Variants in CAST observed in about 807,000 individuals in gnomAD.
CAST encodes MIR583 host.
Under a neutral mutation model 119.6 loss-of-function variants are expected in CAST, and 76 were observed. That is an observed-to-expected ratio of 0.64 (90% CI 0.53 to 0.77). The LOEUF (loss-of-function observed/expected upper bound fraction) is 0.77, where lower values mean the gene tolerates loss of function less well. CAST is among the 30% of genes least tolerant of loss of function. CAST has a pLI of 0.00. For synonymous variants in CAST, 319 were observed against 331.6 expected (o/e 0.96, Z 0.41); for missense variants, 953 against 946.5 (o/e 1.01, Z -0.09).
chr5:96,658,402 T>G (rs1409551833), upstream of CAST, among the ~76,000 whole-genome samples: 2 of 152,154 alleles, frequency 1.3e-5, no homozygotes, highest in Non-Finnish European at 2.9e-5. Context: ...CAGCGTGAAT[T>G]CTGGCTGCCA....
the CAST span, among the ~76,000 whole-genome samples, chr5:96,217,215 T>TTTTTTTTTTTTC: frequency 2.0e-5 from 3 of 146,436 alleles, no homozygotes; most frequent in African/African-American, 7.7e-5. Flanking sequence ...TTTTTTTTTT[T>TTTTTTTTTTTTC]TTTTTTATAG....
chr5:96,021,793 A>G, the CAST span, among the ~76,000 whole-genome samples: 1 of 152,170 alleles, frequency 6.6e-6, no homozygotes, highest in East Asian at 1.9e-4. Flanking sequence ...TGAAGTTTGT[A>G]CAAAATTTTC....
At chr5:96,722,346 C>T (rs1056428785) in intron 3 of CAST, among the ~76,000 whole-genome samples, 2 of 152,134 alleles carry the variant, frequency 1.3e-5, no homozygotes, top group Non-Finnish European at 2.9e-5. Flanking sequence ...AATAAACTTA[C>T]AAGGTAGTTG....
intron 1 of CAST, among the ~76,000 whole-genome samples, chr5:96,625,083 T>C (rs1747693022): frequency 6.6e-6 from 1 of 152,208 alleles, no homozygotes; most frequent in African/African-American, 2.4e-5. Context: ...CACTTTTGGC[T>C]CTTTGAACTC....
At chr5:96,173,107 G>C in the CAST span, among the ~76,000 whole-genome samples, 7 of 152,218 alleles carry the variant, frequency 4.6e-5, no homozygotes, top group African/African-American at 1.7e-4. Context: ...GACTGGCTGG[G>C]AAGGTGAATT....
At chr5:96,747,901 T>G (rs769548796) in intron 18 of CAST, among the ~76,000 whole-genome samples, 20 of 152,174 alleles carry the variant, frequency 1.3e-4, no homozygotes, top group Non-Finnish European at 2.4e-4. Context: ...ACAGAGGGCC[T>G]ATGTAAATAG....
chr5:96,375,842 A>T, the CAST span, among the ~76,000 whole-genome samples: 149 of 150,694 alleles, frequency 9.9e-4, no homozygotes, highest in African/African-American at 3.5e-3. Flanking sequence ...TTGAGTTTTA[A>T]ACTTGCCAGC....
the CAST span, chr5:96,391,697 G>C: frequency 6.6e-6 from 1 of 152,148 alleles, no homozygotes; most frequent in African/African-American, 2.4e-5. Context: ...GGTGCCATGG[G>C]GACTGAGAGT....
chr5:96,096,307 A>C, the CAST span, among the ~76,000 whole-genome samples: 2 of 152,194 alleles, frequency 1.3e-5, no homozygotes, highest in Non-Finnish European at 2.9e-5. Context: ...CATTAAATGA[A>C]ATAATGCTTG....
At chr5:96,201,922 TTGAGA>T in the CAST span, among the ~76,000 whole-genome samples, 46 of 151,900 alleles carry the variant, frequency 3.0e-4, no homozygotes, top group East Asian at 3.9e-3. Context: ...TGGCTATCTT[TTGAGA>T]TATTTGTTTA....
the CAST span, among the ~76,000 whole-genome samples, chr5:96,180,293 G>A: frequency 6.6e-6 from 1 of 152,160 alleles, no homozygotes; most frequent in African/African-American, 2.4e-5. Flanking sequence ...TTATTTATGG[G>A]AAATTATAGG....
intron 1 of CAST, among the ~76,000 whole-genome samples, chr5:96,591,694 C>T (rs1270333703): frequency 9.2e-5 from 14 of 152,170 alleles, no homozygotes. Context: ...TTAAATTCTT[C>T]CTTGGCATAA....
the CAST span, among the ~76,000 whole-genome samples, chr5:96,464,351 C>A: frequency 1.3e-5 from 2 of 152,108 alleles, no homozygotes; most frequent in East Asian, 3.9e-4. Flanking sequence ...TATTTACTGT[C>A]TGTGACATAT....
chr5:96,655,258 C>T (rs1748143776), intron 1 of CAST, among the ~76,000 whole-genome samples: 2 of 152,136 alleles, frequency 1.3e-5, no homozygotes, highest in East Asian at 3.9e-4. Flanking sequence ...AGATGTCTCT[C>T]GGAAGAACAG....
chr5:96,368,885 T>A, the CAST span, among the ~76,000 whole-genome samples: 2 of 152,116 alleles, frequency 1.3e-5, no homozygotes, highest in Admixed American at 1.3e-4. Flanking sequence ...TGGAAAGAAT[T>A]TCTCTTAGTA....
At chr5:96,225,142 A>T in the CAST span, among the ~76,000 whole-genome samples, 1 of 152,210 alleles carries the variant, frequency 6.6e-6, no homozygotes, top group Non-Finnish European at 1.5e-5. Context: ...AATAACACCA[A>T]TGTAGAGGCA....
chr5:96,736,744 T>C (rs193066373), intron 10 of CAST, among the ~76,000 whole-genome samples: 106 of 152,308 alleles, frequency 7.0e-4, no homozygotes, highest in Middle Eastern at 3.4e-3. Flanking sequence ...CTTTCCTAGA[T>C]TGTTGTTTTC....
chr5:96,127,024 C>T, the CAST span, among the ~76,000 whole-genome samples: 20 of 152,114 alleles, frequency 1.3e-4, no homozygotes, highest in South Asian at 4.0e-3. Context: ...AGTATGTGGG[C>T]GATCCAAATC....
At chr5:96,513,763 C>A in the CAST span, among the ~76,000 whole-genome samples, 1 of 151,962 alleles carries the variant, frequency 6.6e-6, no homozygotes, top group African/African-American at 2.4e-5. Flanking sequence ...TATTTGTTTC[C>A]TAGGGTTGCC....
Sources: allele counts gnomAD v4.1 joint callset (sites outside exome capture counted in the v4.1 genomes callset), GRCh38; gene constraint gnomAD v4.1.1; transcripts MANE v1.5; gene names NCBI Gene and HGNC (gene_info 2026-07-23, HGNC 2026-07-21).